The following NFXL1 variants were observed in gnomAD, a reference collection of about 807,000 sequenced individuals.
The protein encoded by NFXL1 is nuclear transcription factor, X-box binding like 1.
Under a neutral mutation model 123.3 loss-of-function variants are expected in NFXL1, and 66 were observed. That is an observed-to-expected ratio of 0.54 (90% CI 0.44 to 0.66). The LOEUF is 0.66. Among genes scored for constraint, NFXL1 ranks in the 30% least tolerant of loss-of-function variants. The pLI is 0.00. For missense variants in NFXL1, 944 were observed against 1,125.6 expected, an observed-to-expected ratio of 0.84 and a Z score of 2.31; for synonymous variants, 346 against 360.8, an observed-to-expected ratio of 0.96 and a Z score of 0.46.
At chr4:47,901,790 C>T (rs1306900545) in intron 5 of NFXL1, among the ~76,000 whole-genome samples, 1 of 152,190 alleles carries the variant, frequency 6.6e-6, no homozygotes, top group African/African-American at 2.4e-5. Context: ...ACTTCAATAT[C>T]CCCACTGGTA....
Position 47,885,916 on chromosome 4 carries a change from G to A in NFXL1, c.1627C>T (p.Arg543Cys), listed in dbSNP as rs143751009. 57 of 1,613,408 alleles carry A rather than the reference G, an allele frequency of 3.5e-5. No individual in the cohort carries two copies. The highest frequency in any genetic ancestry group is 1.2e-4 in the African/African-American group (9 of 74,964). ...TKVTVPCGRE[R>C]TTRPPKCKEQ... ...TTGCACTTGGGTGGTCTTGTGGTAC[G>A]TTCTCGGCCACAGGGCACTGTCACC... Residue 543 changes from arginine to cysteine, a missense_variant, in exon 13 of 23, where the codon CGT (arginine) becomes TGT (cysteine). Coordinates refer to ENST00000507489, the MANE Select transcript of NFXL1 (RefSeq NM_001278624.2).
At chr4:47,866,229 G>T (rs921519127) in intron 18 of NFXL1, among the ~76,000 whole-genome samples, 1 of 152,120 alleles carries the variant, frequency 6.6e-6, no homozygotes, top group African/African-American at 2.4e-5. Context: ...GGGAAAGGCA[G>T]ACTTTAGGCA....
At position 47,910,958 on chromosome 4, in the gene NFXL1, T is replaced by C; in HGVS notation, c.272A>G (p.Lys91Arg). ...MSQKKFEEIK[K>R]ANQAAARKLV... is the part of the protein sequence containing the mutation. ...TTTTCTGGCTGCAGCTTGGTTAGCT[T>C]TCTTGATTTCTTCAAATTTTTTCTG... Residue 91 changes from lysine (K) to arginine (R), a missense_variant, in exon 3 of 23, where the codon AAA becomes AGA. By Grantham distance (26) the Lys-to-Arg change is conservative. Around this residue, in one of 4 missense-constraint regions of NFXL1, gnomAD observed 303 missense variants for 292.1 expected, o/e 1.04. Coordinates refer to ENST00000507489, the MANE Select transcript of NFXL1 (RefSeq NM_001278624.2). The C allele has an allele frequency of 1.9e-6, 3 of 1,604,948 alleles. No homozygotes were observed. The Middle Eastern group carries it at 5.2e-4, about 279-fold the overall frequency.
chr4:47,850,984 C>T (rs1261341409), intron 22 of NFXL1, 111 bp downstream of exon 22: 2 of 737,622 alleles, frequency 2.7e-6, no homozygotes, highest in Admixed American at 4.9e-5. Flanking sequence ...CTGTTATTTT[C>T]AGTTCACAAT....
intron 18 of NFXL1, 103 bp downstream of exon 18, chr4:47,875,024 A>G: frequency 1.6e-6 from 1 of 630,762 alleles, no homozygotes; most frequent in Non-Finnish European, 2.6e-6. Flanking sequence ...AAATCTAGGC[A>G]TCTAGAGTTT....
intron 18 of NFXL1, among the ~76,000 whole-genome samples, chr4:47,871,812 T>TA (rs1396122706): frequency 2.6e-5 from 4 of 152,286 alleles, no homozygotes; most frequent in Non-Finnish European, 5.9e-5. Context: ...AGCATGAGTC[T>TA]AGAGTTTAGG....
At chr4:47,900,704 G>A (rs1346066990) in intron 5 of NFXL1, among the ~76,000 whole-genome samples, 1 of 152,136 alleles carries the variant, frequency 6.6e-6, no homozygotes, top group East Asian at 1.9e-4. Flanking sequence ...ACTCCCAAAT[G>A]AGTATAGTTA....
intron 15 of NFXL1, among the ~76,000 whole-genome samples, chr4:47,883,108 T>G (rs940889049): frequency 6.6e-6 from 1 of 152,154 alleles, no homozygotes; most frequent in African/African-American, 2.4e-5. Flanking sequence ...CCACGTTTTT[T>G]GAGTGTTTTT....
In NFXL1 at chr4:47,855,675, G is replaced by GA. The variant is rs1386609405; in HGVS notation, c.2317-513dup. Reference sequence around the variant, plus strand: ...CTACCTTCCCTGTACTGCACTGTGGGAAAAAAAACAAAAAAGAAAATGCCC... The same window carrying GA: ...CTACCTTCCCTGTACTGCACTGTGGGAAAAAAAAACAAAAAAGAAAATGCCC... On this transcript the variant is annotated intron_variant, in intron 19 of 22. Coordinates refer to ENST00000507489, the MANE Select transcript of NFXL1 (RefSeq NM_001278624.2). Among the ~76,000 whole-genome samples the GA allele has an allele frequency of 3.0e-3, 456 of 151,166 alleles. 1 individual carries two copies. The highest frequency in any genetic ancestry group is 4.9e-3 in the Non-Finnish European group (330 of 67,760).
chr4:47,874,764 A>G (rs569798542), intron 18 of NFXL1, among the ~76,000 whole-genome samples: 4 of 152,368 alleles, frequency 2.6e-5, no homozygotes, highest in Admixed American at 2.0e-4. Context: ...AGTGAAGTCC[A>G]ATAAAACAAG....
intron 10 of NFXL1, among the ~76,000 whole-genome samples, chr4:47,894,608 T>C (rs538911640): frequency 1.3e-4 from 19 of 151,962 alleles, no homozygotes; most frequent in African/African-American, 4.3e-4. Flanking sequence ...GCAACTCTTG[T>C]CTCAGTAAAG....
chr4:47,862,285 G>A (rs1362320504), intron 19 of NFXL1, among the ~76,000 whole-genome samples: 1 of 152,142 alleles, frequency 6.6e-6, no homozygotes, highest in Non-Finnish European at 1.5e-5. Flanking sequence ...CTTTATAGAT[G>A]AATGTTTTAT....
chr4:47,910,565 T>C (rs1340990340), intron 3 of NFXL1, among the ~76,000 whole-genome samples: 2 of 152,194 alleles, frequency 1.3e-5, no homozygotes, highest in Non-Finnish European at 2.9e-5. Context: ...CCAAGCATTC[T>C]ACTGAAATGC....
At chr4:47,900,996 G>A (rs1034426818) in intron 5 of NFXL1, among the ~76,000 whole-genome samples, 4 of 152,044 alleles carry the variant, frequency 2.6e-5, no homozygotes, top group Non-Finnish European at 2.9e-5. Context: ...TTTAATAAGC[G>A]TGGGTATGGA....
chr4:47,864,990 G>GTCTTGTGGGACTAAGCCCTCAACCTACA (rs1734966674), intron 18 of NFXL1, among the ~76,000 whole-genome samples: 1 of 152,184 alleles, frequency 6.6e-6, no homozygotes, highest in African/African-American at 2.4e-5. Flanking sequence ...AGGGAAGGCA[G>GTCTTGTGGGACTAAGCCCTCAACCTACA]TCTTGTGGGA....
At position 47,884,350 on chromosome 4, in the gene NFXL1, G is replaced by C; in HGVS notation, c.1912C>G (p.Pro638Ala). Residue 638 changes from proline (P) to alanine (A), a missense_variant, in exon 15 of 23, where the codon CCT (proline) becomes GCT (alanine). Around this residue, in one of 4 missense-constraint regions of NFXL1, gnomAD observed 301 missense variants for 348.0 expected, o/e 0.86. Coordinates refer to ENST00000507489, the MANE Select transcript of NFXL1 (RefSeq NM_001278624.2). ...AATTGAAATTCTAATACTTACATAG[G>C]AATAGGAACTTGACATGGAGGACAC... ...LPCPPCQVPI[P>A]MECLGKHEVS... 1 of 1,567,310 alleles carries C rather than the reference G, an allele frequency of 6.4e-7. No homozygotes were observed. The highest frequency in any genetic ancestry group is 8.8e-7 in the Non-Finnish European group (1 of 1,142,790).
chr4:47,903,749 A>G (rs1381614161), intron 4 of NFXL1, among the ~76,000 whole-genome samples: 2 of 152,200 alleles, frequency 1.3e-5, no homozygotes, highest in Non-Finnish European at 2.9e-5. Flanking sequence ...CCAAGTATAA[A>G]TAACACTACA....
At chr4:47,859,841 CAAAAAA>C (rs938207203) in intron 19 of NFXL1, among the ~76,000 whole-genome samples, 1 of 14,314 alleles carries the variant, frequency 7.0e-5, no homozygotes, top group African/African-American at 2.5e-4. Context: ...GACTCCATCT[CAAAAAA>C]AAAAAAAAAA....
At chr4:47,877,801 G>A in intron 17 of NFXL1, among the ~76,000 whole-genome samples, 1 of 152,060 alleles carries the variant, frequency 6.6e-6, no homozygotes, top group African/African-American at 2.4e-5. Context: ...AATTTAAATA[G>A]TTGTAAATTT....
Sources: allele counts gnomAD v4.1 joint callset (sites outside exome capture counted in the v4.1 genomes callset), GRCh38; gene constraint gnomAD v4.1.1; regional missense constraint gnomAD v4.1.1; transcripts MANE v1.5; gene names NCBI Gene and HGNC (gene_info 2026-07-23, HGNC 2026-07-21).